Variants in DOCK8 observed in about 807,000 individuals in gnomAD.
The protein encoded by DOCK8 is dedicator of cytokinesis 8.
DOCK8 carries 141 observed loss-of-function variants against 245.6 expected under a neutral mutation model. The ratio of observed to expected loss-of-function variants is 0.57; its 90% CI spans 0.50 to 0.66. The LOEUF (loss-of-function observed/expected upper bound fraction) is 0.66. DOCK8 is among the 30% of genes least tolerant of loss of function. DOCK8 has a pLI of 0.00. For missense variants in DOCK8, 2,965 were observed against 2,603.4 expected (o/e 1.14, Z -3.02); for synonymous variants, 1,168 against 970.2 (o/e 1.20, Z -3.79).
chr9:439,281 T>G lies in DOCK8; in HGVS notation c.5116T>G (p.Ser1706Ala), dbSNP rs901337751. 3.7e-6 allele frequency: 6 copies of G among 1,614,090 alleles called. No individual in the cohort carries two copies. In the Admixed American group the frequency reaches 5.0e-5, roughly 13 times the overall value. ...CAATGTGCTGGAGGAGTCTGTGGTC[T>G]CTGAGGACACCCTGTCACCTGACGA... ...SSNVLEESVV[S>A]EDTLSPDEDG... is the part of the protein sequence containing the mutation. Residue 1706 changes from serine to alanine, a missense_variant, in exon 40 of 48, where the codon TCT (serine) becomes GCT (alanine). Ser to Ala is a moderately conservative substitution (Grantham distance 99). This residue lies in a region of DOCK8 where 2,825 missense variants were observed against 2,453.5 expected (regional missense o/e 1.15). Transcript: ENST00000432829.
Position 418,082 on chromosome 9 carries a change from A to G in DOCK8, c.3715A>G (p.Arg1239Gly). 2 of 1,614,244 alleles carry G rather than the reference A, an allele frequency of 1.2e-6. No individual in the cohort carries two copies. The highest frequency in any genetic ancestry group is 1.7e-6 in the Non-Finnish European group (2 of 1,180,044). ...TTTCATTGCAGTTGCAGATACTCGCAGATACCGCACCAGTGGCTCGGATGA... is the reference window on the plus strand; with the variant it reads ...TTTCATTGCAGTTGCAGATACTCGCGGATACCGCACCAGTGGCTCGGATGA... ...LCDFTVADTR[R>G]YRTSGSDEEQ... Residue 1239 changes from arginine to glycine, a missense_variant, in exon 30 of 48, where the codon AGA becomes GGA. Coordinates refer to ENST00000432829, the MANE Select transcript of DOCK8 (RefSeq NM_203447.4).
At chr9:239,380 T>C (rs1036501995) in intron 1 of DOCK8, among the ~76,000 whole-genome samples, 1 of 152,216 alleles carries the variant, frequency 6.6e-6, no homozygotes, top group Non-Finnish European at 1.5e-5. Flanking sequence ...AAATAACTTC[T>C]ATGGAAAATC....
Position 298,253 on chromosome 9 carries a change from C to T in DOCK8, c.405-6328C>T, listed in dbSNP as rs1207819279. 7.9e-5 allele frequency among the ~76,000 whole-genome samples: 12 copies of T among 152,078 alleles called. No individual in the cohort carries two copies. The East Asian group carries it at 1.7e-3, about 22-fold the overall frequency. On this transcript the variant is annotated intron_variant, in intron 4 of 47. Coordinates refer to ENST00000432829, the MANE Select transcript of DOCK8 (RefSeq NM_203447.4). ...CAGCCTGGCCAACACGGCAAAACCC[C>T]GTCTCTACTAAAAATACAAAAATTA...
chr9:400,952 A>ACCACCT (rs1554692476), intron 26 of DOCK8, among the ~76,000 whole-genome samples: 1 of 67,440 alleles, frequency 1.5e-5, no homozygotes, highest in East Asian at 7.9e-4. Context: ...CACCATCACC[A>ACCACCT]CCACCACCAC....
At chr9:386,604 T>G (rs766803993) in intron 23 of DOCK8, among the ~76,000 whole-genome samples, 178 bp downstream of exon 23, 8 of 152,218 alleles carry the variant, frequency 5.3e-5, no homozygotes, top group Non-Finnish European at 8.8e-5. Context: ...TTTGACCACC[T>G]AATTGCCCAT....
rs150446322 is a variant in DOCK8, at chr9:312,065, C to A, written c.640C>A (p.Leu214Met). 5.5e-5 allele frequency: 89 copies of A among 1,614,100 alleles called. No homozygotes were observed. Among genetic ancestry groups the A allele is most frequent in the Non-Finnish European group, 6.9e-5 (82 of 1,180,036 alleles). ...LQPDKRLENL[L>M]QQVSAEDFEK... ...GCCTGACAAGCGGCTAGAAAACCTC[C>A]TGCAGCAAGTGAGTGCCGAGGACTT... Residue 214 changes from leucine (L) to methionine (M), a missense_variant, in exon 6 of 48, where the codon CTG (leucine) becomes ATG (methionine). Around this residue, in one of 3 missense-constraint regions of DOCK8, gnomAD observed 2,825 missense variants for 2,453.5 expected, o/e 1.15. Coordinates refer to ENST00000432829, the MANE Select transcript of DOCK8 (RefSeq NM_203447.4).
chr9:392,021 C>G (rs1168139565), intron 24 of DOCK8, among the ~76,000 whole-genome samples: 4 of 151,074 alleles, frequency 2.6e-5, no homozygotes, highest in Non-Finnish European at 5.9e-5. Context: ...GCCTGTAATC[C>G]CATCTACTCA....
chr9:440,849 T>A (rs1564072262), intron 40 of DOCK8, among the ~76,000 whole-genome samples: 1 of 152,130 alleles, frequency 6.6e-6, no homozygotes. Flanking sequence ...GCCTCCCACC[T>A]CAACCGCCCA....
chr9:337,615 G>C (rs1007768042), intron 12 of DOCK8, among the ~76,000 whole-genome samples: 2 of 152,046 alleles, frequency 1.3e-5, no homozygotes, highest in African/African-American at 4.8e-5. Context: ...GACCATTCCA[G>C]ATGGTACTCT....
At chr9:324,575 G>A (rs991818119) in intron 7 of DOCK8, among the ~76,000 whole-genome samples, 4 of 152,066 alleles carry the variant, frequency 2.6e-5, no homozygotes, top group African/African-American at 9.7e-5. Context: ...CAATATGAGG[G>A]CTCATCTTTC....
chr9:370,324 A>G (rs752354715), intron 16 of DOCK8, 24 bp downstream of exon 16: 2 of 1,602,544 alleles, frequency 1.2e-6, no homozygotes, highest in Non-Finnish European at 1.7e-6. Context: ...AGCATTCTAA[A>G]TATATGCCAA....
intron 27 of DOCK8, 109 bp downstream of exon 27, chr9:405,182 A>T (rs555203791): frequency 8.5e-7 from 1 of 1,170,152 alleles, no homozygotes; most frequent in Admixed American, 2.1e-5. Flanking sequence ...TTTGACAAAA[A>T]ATCAAACAAT....
At chr9:438,236 A>T (rs1379524051) in intron 39 of DOCK8, among the ~76,000 whole-genome samples, 1 of 152,220 alleles carries the variant, frequency 6.6e-6, no homozygotes, top group Non-Finnish European at 1.5e-5. Context: ...TTCACAAGCC[A>T]ACTCTGATCA....
intron 14 of DOCK8, among the ~76,000 whole-genome samples, chr9:348,122 T>C (rs1318966244): frequency 6.6e-6 from 1 of 152,212 alleles, no homozygotes; most frequent in Non-Finnish European, 1.5e-5. Flanking sequence ...TAGTAAGTCC[T>C]GACCTTAGAC....
At chr9:220,698 G>A (rs1259200511) in intron 1 of DOCK8, 1 of 407,590 alleles carries the variant, frequency 2.5e-6, no homozygotes, top group Non-Finnish European at 4.8e-6. Flanking sequence ...GTTCCCACAA[G>A]CAGTAGTCTA....
intron 5 of DOCK8, among the ~76,000 whole-genome samples, chr9:307,349 T>G (rs796881835): frequency 0.021 from 459 of 21,522 alleles, 5 homozygotes; most frequent in African/African-American, 0.033. Context: ...TTTTTTTTTT[T>G]TTTTTTTTTT....
At chr9:331,072 TTTTAA>T (rs1484144114) in intron 9 of DOCK8, among the ~76,000 whole-genome samples, 1 of 152,228 alleles carries the variant, frequency 6.6e-6, no homozygotes, top group Non-Finnish European at 1.5e-5. Flanking sequence ...AAGACCACAT[TTTTAA>T]TCCATTCACT....
At chr9:221,104 A>G (rs964156943) in intron 1 of DOCK8, among the ~76,000 whole-genome samples, 1 of 152,132 alleles carries the variant, frequency 6.6e-6, no homozygotes, top group African/African-American at 2.4e-5. Context: ...ACAGATTGAC[A>G]CCTCTGAAAG....
At chr9:341,772 T>C (rs56229033) in intron 14 of DOCK8, among the ~76,000 whole-genome samples, 10,273 of 152,272 alleles carry the variant, frequency 0.067, 1,172 homozygotes, top group African/African-American at 0.23. Flanking sequence ...CCAGGCTGCA[T>C]GGCAGGAGGT....
Sources: allele counts gnomAD v4.1 joint callset (sites outside exome capture counted in the v4.1 genomes callset), GRCh38; gene constraint gnomAD v4.1.1; regional missense constraint gnomAD v4.1.1; transcripts MANE v1.5; gene names NCBI Gene and HGNC (gene_info 2026-07-23, HGNC 2026-07-21).